The following RBFOX1 variants were observed in gnomAD, a reference collection of about 807,000 sequenced individuals.
The protein encoded by RBFOX1 is RNA binding protein fox-1 homolog 1.
Under a neutral mutation model 57.7 loss-of-function variants are expected in RBFOX1, and 8 were observed. The ratio of observed to expected loss-of-function variants is 0.14; its 90% confidence interval spans 0.08 to 0.25. The LOEUF (loss-of-function observed/expected upper bound fraction) is 0.25, where lower values mean the gene tolerates loss of function less well. Among genes scored for constraint, RBFOX1 ranks in the 10% least tolerant of loss-of-function variants. The probability of loss-of-function intolerance (pLI) is 1.00; values close to 1 mark genes in which losing one functional copy is unlikely to be tolerated. For synonymous variants in RBFOX1, 326 were observed against 222.4 expected (o/e 1.47, Z -4.15); for missense variants, 611 against 548.5 (o/e 1.11, Z -1.14).
intron 3 of RBFOX1, among the ~76,000 whole-genome samples, chr16:6,861,062 G>C (rs921006188): frequency 2.0e-5 from 3 of 152,124 alleles, no homozygotes; most frequent in Admixed American, 1.3e-4. Context: ...CTGCGAGAGT[G>C]ACTGACAAGG....
rs138597730 is a variant in RBFOX1, at chr16:6,434,715, A to G, written c.-64+117658A>G. 8.8e-3 allele frequency among the ~76,000 whole-genome samples: 1,336 copies of G among 152,316 alleles called. 17 individuals are homozygous for G. The highest frequency in any genetic ancestry group is 0.02 in the Middle Eastern group (6 of 294). On this transcript the variant is annotated intron_variant, in intron 2 of 15. Transcript: ENST00000550418. Reference sequence around the variant, plus strand: ...TTTCCATCATTGATAAAAATGTCCAACTAGACAGAGAACTCTGACATTGCT... The same window carrying G: ...TTTCCATCATTGATAAAAATGTCCAGCTAGACAGAGAACTCTGACATTGCT...
intron 3 of RBFOX1, among the ~76,000 whole-genome samples, chr16:5,677,119 G>A (rs1418162037): frequency 1.3e-5 from 2 of 152,156 alleles, no homozygotes; most frequent in Non-Finnish European, 2.9e-5. Context: ...AAGGTCAAAC[G>A]GACAGAAGGG....
chr16:7,393,575 G>A (rs1307037971), intron 4 of RBFOX1, among the ~76,000 whole-genome samples: 1 of 152,104 alleles, frequency 6.6e-6, no homozygotes, highest in Non-Finnish European at 1.5e-5. Flanking sequence ...ATGCTATAGG[G>A]GGTGGTGGTA....
At chr16:5,607,988 T>C (rs1174361355) in intron 3 of RBFOX1, among the ~76,000 whole-genome samples, 8 of 152,186 alleles carry the variant, frequency 5.3e-5, no homozygotes, top group Non-Finnish European at 2.9e-5. Flanking sequence ...GCACCTGTTG[T>C]TTGGTGGACG....
intron 1 of RBFOX1, among the ~76,000 whole-genome samples, chr16:5,383,941 C>G (rs1454978054): frequency 6.6e-6 from 1 of 152,210 alleles, no homozygotes; most frequent in Admixed American, 6.5e-5. Flanking sequence ...GGTTTGTTCT[C>G]TTTCTTCTTT....
At chr16:6,183,524 A>AAATAAATAAATAAATAAATG (rs1306043659) in intron 1 of RBFOX1, among the ~76,000 whole-genome samples, 2 of 150,494 alleles carry the variant, frequency 1.3e-5, no homozygotes, top group East Asian at 3.9e-4. Flanking sequence ...ATAAATAAAT[A>AAATAAATAAATAAATAAATG]AATGTAAGGA....
intron 1 of RBFOX1, among the ~76,000 whole-genome samples, chr16:6,300,872 A>G (rs1432350749): frequency 6.6e-6 from 1 of 152,150 alleles, no homozygotes; most frequent in African/African-American, 2.4e-5. Flanking sequence ...ATTAGCTATT[A>G]TTAATGTGAG....
At chr16:5,347,985 A>G (rs570418823) in intron 1 of RBFOX1, among the ~76,000 whole-genome samples, 10 of 117,668 alleles carry the variant, frequency 8.5e-5, no homozygotes, top group African/African-American at 3.3e-4. Context: ...CCATCGATCC[A>G]TCTACCTGCC....
At chr16:6,799,930 A>T (rs1361758465) in intron 3 of RBFOX1, among the ~76,000 whole-genome samples, 1 of 152,150 alleles carries the variant, frequency 6.6e-6, no homozygotes, top group Non-Finnish European at 1.5e-5. Flanking sequence ...GCTTATAGTG[A>T]GACTTCGTCT....
intron 3 of RBFOX1, among the ~76,000 whole-genome samples, chr16:6,822,965 A>G (rs1478665135): frequency 6.6e-6 from 1 of 152,176 alleles, no homozygotes; most frequent in African/African-American, 2.4e-5. Context: ...TGGACAAAAA[A>G]CGATGATCCC....
At chr16:6,936,515 A>G (rs1353307637) in intron 3 of RBFOX1, among the ~76,000 whole-genome samples, 1 of 152,148 alleles carries the variant, frequency 6.6e-6, no homozygotes, top group Non-Finnish European at 1.5e-5. Context: ...ATGTATCCAG[A>G]AACGTAAAAT....
At chr16:6,811,911 C>G (rs561895139) in intron 3 of RBFOX1, among the ~76,000 whole-genome samples, 3 of 152,098 alleles carry the variant, frequency 2.0e-5, no homozygotes, top group South Asian at 2.1e-4. Context: ...AAATAAAATA[C>G]AAAATATAAG....
chr16:5,843,926 A>G (rs1238879927), intron 3 of RBFOX1, among the ~76,000 whole-genome samples: 1 of 152,208 alleles, frequency 6.6e-6, no homozygotes, highest in Non-Finnish European at 1.5e-5. Context: ...GAATTTCAGA[A>G]TTTTCCTATC....
intron 4 of RBFOX1, among the ~76,000 whole-genome samples, chr16:7,134,769 A>C (rs932135801): frequency 1.3e-5 from 2 of 152,148 alleles, no homozygotes; most frequent in Non-Finnish European, 2.9e-5. Flanking sequence ...TGCTGTACCG[A>C]ATTTGCAAAC....
intron 1 of RBFOX1, among the ~76,000 whole-genome samples, chr16:6,179,359 G>A (rs552744738): frequency 1.7e-4 from 26 of 152,308 alleles, no homozygotes; most frequent in Non-Finnish European, 2.8e-4. Context: ...TGTGTCCGCA[G>A]GTGGGGAGAT....
At chr16:7,582,013 G>A (rs1189812255) in intron 6 of RBFOX1, among the ~76,000 whole-genome samples, 2 of 137,518 alleles carry the variant, frequency 1.5e-5, no homozygotes, top group Non-Finnish European at 3.1e-5. Context: ...GTGAGCTATT[G>A]CACCCATCCA....
At chr16:5,587,668 G>T (rs564206325) in intron 2 of RBFOX1, among the ~76,000 whole-genome samples, 1 of 152,174 alleles carries the variant, frequency 6.6e-6, no homozygotes, top group African/African-American at 2.4e-5. Context: ...AGCCAAGATC[G>T]CGGCACTGTA....
chr16:6,114,092 T>A (rs567636740), intron 1 of RBFOX1, among the ~76,000 whole-genome samples: 2 of 152,312 alleles, frequency 1.3e-5, no homozygotes, highest in East Asian at 1.9e-4. Context: ...TTCTCATTAT[T>A]TTTTTTCTCC....
Position 7,689,808 on chromosome 16 carries a change from A to C in RBFOX1, c.995+12970A>C, listed in dbSNP as rs187994510. On this transcript the variant is annotated intron_variant, in intron 14 of 15. Transcript: ENST00000550418. Reference sequence around the variant, plus strand: ...ACAGGTAAGGAAGAACTCAAATACCAAGAGTATGATATGGCCACTGTAGAG... The same window carrying C: ...ACAGGTAAGGAAGAACTCAAATACCCAGAGTATGATATGGCCACTGTAGAG... 1.4e-4 allele frequency among the ~76,000 whole-genome samples: 21 copies of C among 152,230 alleles called. 1 individual carries two copies. The highest frequency in any genetic ancestry group is 2.9e-5 in the Non-Finnish European group (2 of 67,982).
Sources: gnomAD v4.1 joint callset for allele counts (sites outside exome capture counted in the v4.1 genomes callset) on GRCh38, gnomAD v4.1.1 for gene constraint, MANE v1.5 for transcripts, NCBI Gene and HGNC (gene_info 2026-07-23, HGNC 2026-07-21) for gene names.